LINGO2: variants seen among roughly 807,000 people sequenced by gnomAD.
LINGO2 encodes the protein leucine rich repeat and Ig domain containing 2, also known as leucine-rich repeat and immunoglobulin-like domain-containing nogo receptor-interacting protein 2.
A neutral mutation model predicts 30.6 loss-of-function variants in LINGO2; 14 were observed. The ratio of observed to expected loss-of-function variants is 0.46; its 90% CI spans 0.30 to 0.72. LINGO2 has a LOEUF of 0.72. Among genes scored for constraint, LINGO2 ranks in the 30% least tolerant of loss-of-function variants. The pLI, the probability that LINGO2 is intolerant of heterozygous loss-of-function variation, is 0.07. For missense variants in LINGO2, 729 were observed against 751.7 expected (o/e 0.97, Z 0.35); for synonymous variants, 317 against 288.5 (o/e 1.10, Z -1.00).
At chr9:29,017,281 T>C in the LINGO2 span, among the ~76,000 whole-genome samples, 12 of 152,060 alleles carry the variant, frequency 7.9e-5, no homozygotes, top group South Asian at 8.3e-4. Flanking sequence ...ACAATGAAGA[T>C]TGAAATAAGA....
chr9:29,024,126 C>T, the LINGO2 span, among the ~76,000 whole-genome samples: 4 of 152,006 alleles, frequency 2.6e-5, no homozygotes, highest in African/African-American at 7.2e-5. Context: ...CCCTTTAAAC[C>T]GCCCTCTACA....
intron 4 of LINGO2, among the ~76,000 whole-genome samples, chr9:28,140,630 T>C (rs1587068473): frequency 6.6e-6 from 1 of 152,218 alleles, no homozygotes; most frequent in East Asian, 1.9e-4. Context: ...CCAAGTGAAA[T>C]GAAATATCTC....
the LINGO2 span, among the ~76,000 whole-genome samples, chr9:29,182,617 C>T: frequency 6.6e-6 from 1 of 151,870 alleles, no homozygotes; most frequent in African/African-American, 2.4e-5. Flanking sequence ...GGTGGGCCAA[C>T]AGATTACTCT....
rs1382235028 is a variant in LINGO2 at position 28,117,110 on chromosome 9, T to C, written c.-86-104705A>G. On this transcript the variant is annotated intron_variant, in intron 4 of 5. Transcript: ENST00000379992. ...TTTCGGTGTAGATGTCCTTTCTGGT[T>C]GTTAGTTTTCCTTCTAACAGACAGG... Among the ~76,000 whole-genome samples the C allele has an allele frequency of 9.5e-3, 1,354 of 142,432 alleles. 19 individuals carry two copies. Among genetic ancestry groups the C allele is most frequent in the African/African-American group, 0.033 (1,264 of 38,882 alleles). 93.4% of individuals were successfully genotyped at this position (142,432 alleles called of 152,430 possible). A position where few individuals can be genotyped will look rare whatever the true frequency, so the allele number is the denominator to read the frequency against.
chr9:28,211,927 A>T (rs1820606118), intron 4 of LINGO2, among the ~76,000 whole-genome samples: 1 of 150,550 alleles, frequency 6.6e-6, no homozygotes. Context: ...TCTCATGCTT[A>T]ATTTTTTTTT....
At chr9:28,937,857 G>T in the LINGO2 span, among the ~76,000 whole-genome samples, 1 of 151,952 alleles carries the variant, frequency 6.6e-6, no homozygotes, top group Admixed American at 6.6e-5. Flanking sequence ...GTAACATGGG[G>T]GTTTGTTGTA....
intron 2 of LINGO2, among the ~76,000 whole-genome samples, chr9:28,401,767 T>A (rs1312279717): frequency 6.6e-6 from 1 of 152,106 alleles, no homozygotes; most frequent in Non-Finnish European, 1.5e-5. Context: ...GTAAACGCAT[T>A]CCTATTTCTC....
chr9:28,826,357 C>A, the LINGO2 span, among the ~76,000 whole-genome samples: 5 of 152,084 alleles, frequency 3.3e-5, no homozygotes. Flanking sequence ...GAAGAAAGAT[C>A]TAATGAGAAC....
chr9:27,982,937 T>G (rs1020953199), intron 5 of LINGO2, among the ~76,000 whole-genome samples: 1 of 151,838 alleles, frequency 6.6e-6, no homozygotes, highest in Non-Finnish European at 1.5e-5. Flanking sequence ...ATACATGTTA[T>G]CAATCCATTG....
At position 28,414,638 on chromosome 9, in the gene LINGO2, T is replaced by C. The variant is rs73435272; in HGVS notation, c.-278-41770A>G. On this transcript the variant is annotated intron_variant, in intron 2 of 5. Transcript: ENST00000379992. The stretch of plus-strand genomic sequence containing the variant: ...AATAACATGCTGGACTGTTAAAATA[T>C]AAATTTGAATCATCTTCTGATGGGG... Among the ~76,000 whole-genome samples, 849 of 151,938 alleles carry C rather than the reference T, an allele frequency of 5.6e-3. 10 individuals are homozygous for C. The highest frequency in any genetic ancestry group is 0.015 in the African/African-American group (618 of 41,266).
intron 1 of LINGO2, among the ~76,000 whole-genome samples, chr9:28,529,606 CTTTTT>C (rs201066699): frequency 1.6e-5 from 2 of 125,296 alleles, no homozygotes; most frequent in African/African-American, 2.9e-5. Flanking sequence ...ATTGCAAATA[CTTTTT>C]TTTTTTTTTT....
intron 2 of LINGO2, among the ~76,000 whole-genome samples, chr9:28,435,258 G>C (rs1823876782): frequency 6.6e-6 from 1 of 151,994 alleles, no homozygotes; most frequent in South Asian, 2.1e-4. Context: ...TTCAAGTCTT[G>C]TTTATTATGT....
At chr9:28,271,628 C>G (rs370524972) in intron 4 of LINGO2, among the ~76,000 whole-genome samples, 3 of 152,128 alleles carry the variant, frequency 2.0e-5, no homozygotes, top group South Asian at 2.1e-4. Flanking sequence ...AATCAGCCTT[C>G]TAAGATGACA....
chr9:27,991,217 T>C (rs1337349136), intron 5 of LINGO2, among the ~76,000 whole-genome samples: 3 of 152,016 alleles, frequency 2.0e-5, no homozygotes, highest in Non-Finnish European at 2.9e-5. Flanking sequence ...TCTGGTTGAA[T>C]ACAATGAACG....
chr9:28,117,283 T>A (rs887877124), intron 4 of LINGO2, among the ~76,000 whole-genome samples: 6 of 150,210 alleles, frequency 4.0e-5, no homozygotes, highest in African/African-American at 1.5e-4. Flanking sequence ...GATCTCCGGC[T>A]GCGTGCTGGG....
chr9:28,311,426 G>A lies in LINGO2; in HGVS notation c.-245-16060C>T, dbSNP rs10968483. 0.014 allele frequency among the ~76,000 whole-genome samples: 2,134 copies of A among 152,198 alleles called. 87 individuals carry two copies. The East Asian group carries it at 0.14, about 10-fold the overall frequency. On this transcript the variant is annotated intron_variant, in intron 3 of 5. Transcript: ENST00000379992. ...GGCGGGAATTTCCTCATCCTAATAAGCCTGGGAGCGCTACTGGAGACTGGG... is the reference window on the plus strand; with the variant it reads ...GGCGGGAATTTCCTCATCCTAATAAACCTGGGAGCGCTACTGGAGACTGGG...
At chr9:28,580,906 C>T (rs544760725) in intron 1 of LINGO2, among the ~76,000 whole-genome samples, 3 of 151,788 alleles carry the variant, frequency 2.0e-5, no homozygotes, top group Non-Finnish European at 2.9e-5. Flanking sequence ...GACAGTTGAA[C>T]CTTTAAAAAA....
the LINGO2 span, among the ~76,000 whole-genome samples, chr9:28,743,690 T>A: frequency 6.6e-6 from 1 of 152,090 alleles, no homozygotes; most frequent in South Asian, 2.1e-4. Flanking sequence ...CTGCCCTCTA[T>A]GGGATGAGTA....
chr9:28,919,173 T>G, the LINGO2 span, among the ~76,000 whole-genome samples: 2 of 152,156 alleles, frequency 1.3e-5, no homozygotes, highest in Non-Finnish European at 2.9e-5. Context: ...GATGTACAAG[T>G]GCACTGGCTG....
Sources: allele counts gnomAD v4.1 joint callset (sites outside exome capture counted in the v4.1 genomes callset), GRCh38; gene constraint gnomAD v4.1.1; transcripts MANE v1.5; gene names NCBI Gene and HGNC (gene_info 2026-07-23, HGNC 2026-07-21).